The following RAB27B variants were observed in gnomAD, a reference collection of about 807,000 sequenced individuals.
The protein encoded by RAB27B is ras-related protein Rab-27B.
RAB27B carries 15 observed loss-of-function variants against 24.6 expected under a neutral mutation model. The observed-to-expected ratio is 0.61, with a 90% confidence interval of 0.41 to 0.94. The LOEUF (loss-of-function observed/expected upper bound fraction) is 0.94. RAB27B is among the 40% of genes least tolerant of loss of function. RAB27B has a pLI of 0.00. For synonymous variants in RAB27B, 105 were observed against 92.5 expected, an observed-to-expected ratio of 1.14 and a Z score of -0.78; for missense variants, 261 against 266.8, an observed-to-expected ratio of 0.98 and a Z score of 0.15.
rs139034324 is a variant in RAB27B, at chr18:54,815,365, G to A, written c.-19-62202G>A. On this transcript the variant is annotated intron_variant, in intron 2 of 4. Transcript: ENST00000586570. Reference sequence around the variant, plus strand: ...CCTTTGTGCAGACATAGCCATGTCAGACTTCTCAGCTTTCAGCTTTCATGA... The same window carrying A: ...CCTTTGTGCAGACATAGCCATGTCAAACTTCTCAGCTTTCAGCTTTCATGA... 2.1e-3 allele frequency among the ~76,000 whole-genome samples: 322 copies of A among 152,282 alleles called. 1 individual carries two copies. The highest frequency in any genetic ancestry group is 7.4e-3 in the African/African-American group (307 of 41,550).
chr18:54,762,695 A>T lies in RAB27B; in HGVS notation c.-20+44554A>T, dbSNP rs140546700. Reference sequence around the variant, plus strand: ...CTTGTCTCTGAGGTCTTCCCTGGTGATCTAATTGAAAAAATCACATACCTT... The same window carrying T: ...CTTGTCTCTGAGGTCTTCCCTGGTGTTCTAATTGAAAAAATCACATACCTT... On this transcript the variant is annotated intron_variant, in intron 2 of 4. Coordinates refer to the RAB27B transcript ENST00000586570. 5.0e-3 allele frequency among the ~76,000 whole-genome samples: 756 copies of T among 152,104 alleles called. 7 individuals carry two copies. The highest frequency in any genetic ancestry group is 0.017 in the African/African-American group (713 of 41,482).
intron 2 of RAB27B, among the ~76,000 whole-genome samples, chr18:54,791,241 G>T (rs1909237280): frequency 6.6e-6 from 1 of 152,058 alleles, no homozygotes; most frequent in South Asian, 2.1e-4. Context: ...AAAGAGTAAA[G>T]AAAGGAAAAG....
rs1913376000 is a variant in RAB27B at position 54,891,701 on chromosome 18, A to T, written c.*2288A>T. ...TTTCAGTTATATGATTGATTTACTT[A>T]TGCCAAGATTCTGTCACTGTCAGTT... On this transcript the variant is annotated 3_prime_UTR_variant, in exon 6 of 6. Transcript: ENST00000262094. 1 of 152,016 alleles carries T rather than the reference A, an allele frequency of 6.6e-6. No individual in the cohort carries two copies. The highest frequency in any genetic ancestry group is 6.6e-5 in the Admixed American group (1 of 15,244). The allele number at this position is 152,016 out of a possible 1,614,324, so 9.4% of individuals were successfully genotyped here.
intron 2 of RAB27B, among the ~76,000 whole-genome samples, chr18:54,758,302 C>G (rs540143791): frequency 6.6e-6 from 1 of 152,046 alleles, no homozygotes; most frequent in East Asian, 1.9e-4. Context: ...TAATACTTAC[C>G]TGAGCCATTA....
At chr18:54,764,483 G>T (rs1304096558) in intron 2 of RAB27B, among the ~76,000 whole-genome samples, 1 of 152,110 alleles carries the variant, frequency 6.6e-6, no homozygotes, top group East Asian at 1.9e-4. Context: ...TGCACAATGG[G>T]AATGATAATA....
At chr18:54,845,415 AAAAAT>A (rs1429747602) in intron 1 of RAB27B, among the ~76,000 whole-genome samples, 12 of 151,224 alleles carry the variant, frequency 7.9e-5, no homozygotes, top group African/African-American at 2.9e-4. Flanking sequence ...CAAAAAAAAA[AAAAAT>A]AAAATAAAAT....
chr18:54,725,035 G>A (rs7238566), intron 2 of RAB27B, among the ~76,000 whole-genome samples: 6,951 of 151,476 alleles, frequency 0.046, 626 homozygotes, highest in African/African-American at 0.16. Flanking sequence ...GAGCTCAGTG[G>A]ACCTCATTAG....
intron 1 of RAB27B, among the ~76,000 whole-genome samples, chr18:54,870,992 A>T (rs1912441214): frequency 6.6e-6 from 1 of 152,210 alleles, no homozygotes; most frequent in Non-Finnish European, 1.5e-5. Flanking sequence ...AAAGTGAAAG[A>T]ATATTCATAT....
At chr18:54,805,116 A>G (rs1314732867) in intron 2 of RAB27B, among the ~76,000 whole-genome samples, 2 of 151,796 alleles carry the variant, frequency 1.3e-5, no homozygotes, top group Non-Finnish European at 2.9e-5. Context: ...CATCCTCCCT[A>G]GAGCCTCAGC....
At chr18:54,798,516 G>C (rs1909494336) in intron 2 of RAB27B, among the ~76,000 whole-genome samples, 1 of 152,246 alleles carries the variant, frequency 6.6e-6, no homozygotes, top group African/African-American at 2.4e-5. Context: ...CCTCTCACAG[G>C]AGAGTATTTG....
rs190558843 is a variant in RAB27B, at chr18:54,877,482, A to G, written c.-19-85A>G. 44 of 1,128,196 alleles carry G rather than the reference A, an allele frequency of 3.9e-5. No individual in the cohort carries two copies. The East Asian group carries it at 1.3e-3, about 34-fold the overall frequency. 69.9% of individuals were successfully genotyped at this position (1,128,196 alleles called of 1,614,324 possible). A position where few individuals can be genotyped will look rare whatever the true frequency, so the allele number is the denominator to read the frequency against. ...GAGGTATTCAACTTTTTAACCCTGA[A>G]AATTAAATTTATGTCATATTTTGAT... On this transcript the variant is annotated intron_variant, in intron 1 of 5. Transcript: ENST00000262094.
At position 54,749,511 on chromosome 18, in the gene RAB27B, C is replaced by A. The variant is rs145342381; in HGVS notation, c.-20+31370C>A. ...TTGGCTCACAGATCCTAACTCCTTA[C>A]GACAGGTGCCAACATCTGGTAATTC... On this transcript the variant is annotated intron_variant, in intron 2 of 4. Transcript: ENST00000586570. Among the ~76,000 whole-genome samples, 41 of 152,216 alleles carry A rather than the reference C, an allele frequency of 2.7e-4. No individual in the cohort carries two copies. In the East Asian group the frequency reaches 4.8e-3, roughly 18 times the overall value.
intron 2 of RAB27B, among the ~76,000 whole-genome samples, chr18:54,779,393 A>G (rs1908819312): frequency 6.6e-6 from 1 of 152,206 alleles, no homozygotes; most frequent in Non-Finnish European, 1.5e-5. Context: ...AGTCACTTCC[A>G]TAGCAGAACA....
At chr18:54,831,658 T>C (rs2145184551) in intron 1 of RAB27B, among the ~76,000 whole-genome samples, 1 of 152,228 alleles carries the variant, frequency 6.6e-6, no homozygotes, top group East Asian at 1.9e-4. Flanking sequence ...AAATTAGTAA[T>C]TCTGGAACTT....
chr18:54,792,482 T>G (rs903129275), intron 2 of RAB27B, among the ~76,000 whole-genome samples: 2 of 152,170 alleles, frequency 1.3e-5, no homozygotes, highest in African/African-American at 4.8e-5. Flanking sequence ...CTAAACCCCT[T>G]TATTCATTTG....
At chr18:54,744,355 C>A (rs970819275) in intron 2 of RAB27B, among the ~76,000 whole-genome samples, 9 of 151,988 alleles carry the variant, frequency 5.9e-5, no homozygotes, top group African/African-American at 1.9e-4. Flanking sequence ...AAGATTTGGG[C>A]TATACTGATA....
At chr18:54,884,059 C>A (rs1160321903) in intron 3 of RAB27B, among the ~76,000 whole-genome samples, 1 of 151,986 alleles carries the variant, frequency 6.6e-6, no homozygotes, top group Non-Finnish European at 1.5e-5. Context: ...TTCCAAGAAG[C>A]TGTGTAAGCA....
At chr18:54,817,265 T>C (rs983052001) in intron 2 of RAB27B, among the ~76,000 whole-genome samples, 1 of 152,232 alleles carries the variant, frequency 6.6e-6, no homozygotes, top group African/African-American at 2.4e-5. Context: ...TAAAGCCTTC[T>C]ATTTTGAACA....
At chr18:54,871,151 G>C (rs1289147012) in intron 1 of RAB27B, among the ~76,000 whole-genome samples, 1 of 152,144 alleles carries the variant, frequency 6.6e-6, no homozygotes, top group Non-Finnish European at 1.5e-5. Flanking sequence ...TAGTCTTTAA[G>C]AAGAGTTGAA....
Sources: allele counts gnomAD v4.1 joint callset (sites outside exome capture counted in the v4.1 genomes callset), GRCh38; gene constraint gnomAD v4.1.1; transcripts MANE v1.5; gene names NCBI Gene and HGNC (gene_info 2026-07-23, HGNC 2026-07-21).